The following ADAP2 variants were observed in gnomAD, a reference collection of about 807,000 sequenced individuals.
ADAP2 encodes the protein ArfGAP with dual PH domains 2.
A neutral mutation model predicts 54.9 loss-of-function variants in ADAP2; 42 were observed. The observed-to-expected ratio is 0.77, with a 90% CI of 0.60 to 0.99. ADAP2 has a LOEUF of 0.99. Ranked by LOEUF, ADAP2 falls within the 50% of genes least tolerant of loss-of-function variation. The pLI, the probability that ADAP2 is intolerant of heterozygous loss-of-function variation, is 0.00. For synonymous variants in ADAP2, 177 were observed against 180.1 expected (o/e 0.98, Z 0.14); for missense variants, 429 against 480.4 (o/e 0.89, Z 1.00).
At chr17:30,954,623 T>C in intron 9 of ADAP2, 68 bp downstream of exon 9, 1 of 1,349,338 alleles carries the variant, frequency 7.4e-7, no homozygotes, top group East Asian at 2.3e-5. Flanking sequence ...TGTCTGGAAC[T>C]ATGTGAAAGC....
chr17:30,951,469 C>T (rs1904622728), intron 7 of ADAP2, among the ~76,000 whole-genome samples: 1 of 151,830 alleles, frequency 6.6e-6, no homozygotes, highest in African/African-American at 2.4e-5. Flanking sequence ...GGGAGTAGTA[C>T]AGTTTATATC....
chr17:30,936,464 A>C (rs568360043), intron 5 of ADAP2, among the ~76,000 whole-genome samples: 1 of 152,190 alleles, frequency 6.6e-6, no homozygotes, highest in South Asian at 2.1e-4. Flanking sequence ...CGCCAGGCCC[A>C]TATCTGTCTT....
chr17:30,925,292 C>T (rs542979326), intron 2 of ADAP2, among the ~76,000 whole-genome samples: 3 of 149,500 alleles, frequency 2.0e-5, no homozygotes, highest in South Asian at 2.1e-4. Flanking sequence ...TGGATTCAAG[C>T]GATTCTCCTG....
In ADAP2 at chr17:30,949,368, G is replaced by A; in HGVS notation, c.739G>A (p.Glu247Lys). The change falls in exon 7 of 11, where the codon GAG becomes AAG. Residue 247 changes from glutamate to lysine, a missense_variant and splice_region_variant. Physicochemically the swap from Glu to Lys is moderately conservative, Grantham distance 56 (BLOSUM62 1). Transcript: ENST00000330889. ...GGCCTTTCCTGAACTCCCAGAGTCT[G>A]AGGTGAGCTAAATGCGGACCCCAAT... ...KMAFPELPES[E>K]LVPFLTRNYL... 1 of 1,613,918 alleles carries A rather than the reference G, an allele frequency of 6.2e-7. No individual in the cohort carries two copies. Among genetic ancestry groups the A allele is most frequent in the Non-Finnish European group, 8.5e-7 (1 of 1,179,808 alleles).
chr17:30,941,443 A>G (rs1421853147), intron 5 of ADAP2, among the ~76,000 whole-genome samples: 1 of 152,154 alleles, frequency 6.6e-6, no homozygotes, highest in African/African-American at 2.4e-5. Context: ...TGATTTCACC[A>G]TTCTTCCATC....
intron 5 of ADAP2, among the ~76,000 whole-genome samples, chr17:30,942,069 C>A (rs1041575739): frequency 3.3e-5 from 5 of 152,186 alleles, no homozygotes; most frequent in Non-Finnish European, 7.4e-5. Context: ...CCACTCCCAG[C>A]TAATTTTTGT....
intron 5 of ADAP2, among the ~76,000 whole-genome samples, chr17:30,936,665 C>A (rs1234321689): frequency 1.3e-5 from 2 of 152,040 alleles, no homozygotes; most frequent in Non-Finnish European, 2.9e-5. Context: ...GCCTGTAATC[C>A]CAGCACTTTG....
intron 6 of ADAP2, among the ~76,000 whole-genome samples, chr17:30,945,824 G>T (rs563609817): frequency 1.8e-4 from 26 of 147,522 alleles, no homozygotes; most frequent in African/African-American, 6.6e-4. Context: ...GCCCACCCTG[G>T]AGCTACCAAA....
At chr17:30,934,391 A>G in intron 5 of ADAP2, 94 bp downstream of exon 5, 2 of 824,768 alleles carry the variant, frequency 2.4e-6, no homozygotes, top group Non-Finnish European at 3.8e-6. Context: ...TTTCTTGTAG[A>G]TAATCTCAGC....
intron 3 of ADAP2, among the ~76,000 whole-genome samples, chr17:30,927,571 C>T (rs867653312): frequency 7.3e-5 from 11 of 150,360 alleles, no homozygotes; most frequent in African/African-American, 2.7e-4. Context: ...GCCAAGATGG[C>T]GCCACTGCAC....
chr17:30,927,046 G>T (rs1204112254), intron 3 of ADAP2, 128 bp downstream of exon 3: 1 of 687,098 alleles, frequency 1.5e-6, no homozygotes, highest in East Asian at 2.7e-5. Flanking sequence ...GTGGATCCAG[G>T]AAAGCACTGG....
intron 9 of ADAP2, among the ~76,000 whole-genome samples, chr17:30,955,456 C>T (rs1904994526): frequency 6.6e-6 from 1 of 151,918 alleles, no homozygotes; most frequent in African/African-American, 2.4e-5. Flanking sequence ...ATCTGTAAAC[C>T]CAGCATTTTG....
At chr17:30,924,859 C>CTTTTTTTTTTTTTTTTTTTTTTTTT (rs199816533) in intron 2 of ADAP2, among the ~76,000 whole-genome samples, 1 of 149,234 alleles carries the variant, frequency 6.7e-6, no homozygotes, top group African/African-American at 2.5e-5. Context: ...GTTATATTTT[C>CTTTTTTTTTTTTTTTTTTTTTTTTT]TTTTTTGTTT....
At chr17:30,948,988 C>T (rs569393396) in intron 6 of ADAP2, among the ~76,000 whole-genome samples, 9 of 152,298 alleles carry the variant, frequency 5.9e-5, no homozygotes, top group East Asian at 3.9e-4. Context: ...TGATTTTGCA[C>T]GCATTAGAAG....
intron 7 of ADAP2, among the ~76,000 whole-genome samples, chr17:30,950,820 G>A (rs565767915): frequency 2.6e-5 from 4 of 152,302 alleles, no homozygotes; most frequent in South Asian, 4.1e-4. Context: ...TCCCATGGGC[G>A]GGGAGTGGAG....
Position 30,949,327 on chromosome 17 carries a change from T to C in ADAP2, c.698T>C (p.Leu233Pro). ...TTCAATGCCCTCCGTGCAGCCCGTC[T>C]GCAGTACCTAAAAATGGCCTTTCCT... is the stretch of plus-strand genomic sequence containing the variant. ...DWFNALRAAR[L>P]QYLKMAFPEL... is the part of the protein sequence containing the mutation. Residue 233 changes from leucine to proline, a missense_variant, in exon 7 of 11, where the codon CTG becomes CCG. Transcript: ENST00000330889. The C allele has an allele frequency of 6.2e-7, 1 of 1,614,212 alleles. No individual in the cohort carries two copies. Among genetic ancestry groups the C allele is most frequent in the Non-Finnish European group, 8.5e-7 (1 of 1,180,016 alleles).
At chr17:30,956,110 G>A in intron 9 of ADAP2, 131 bp from the exon 10 acceptor site, 2 of 693,230 alleles carry the variant, frequency 2.9e-6, no homozygotes, top group South Asian at 3.8e-5. Flanking sequence ...CAAATTCTGG[G>A]TCCCACTTAG....
At chr17:30,948,443 G>C (rs565311559) in intron 6 of ADAP2, among the ~76,000 whole-genome samples, 1 of 151,822 alleles carries the variant, frequency 6.6e-6, no homozygotes, top group Non-Finnish European at 1.5e-5. Flanking sequence ...GGTGGTGGGC[G>C]CCTGTAGTCC....
chr17:30,956,819 C>G (rs554919119), intron 10 of ADAP2: 1 of 260,542 alleles, frequency 3.8e-6, no homozygotes, highest in African/African-American at 2.2e-5. Context: ...CGTGAGAAAA[C>G]GCTGGCCTGT....
Sources: allele counts gnomAD v4.1 joint callset (sites outside exome capture counted in the v4.1 genomes callset), GRCh38; gene constraint gnomAD v4.1.1; transcripts MANE v1.5; gene names NCBI Gene and HGNC (gene_info 2026-07-23, HGNC 2026-07-21).